NAV2: variants seen among roughly 807,000 people sequenced by gnomAD.
The protein encoded by NAV2 is neuron navigator 2, also known as helicase, APC down-regulated 1.
A neutral mutation model predicts 223.2 loss-of-function variants in NAV2; 54 were observed. That is an observed-to-expected ratio of 0.24 (90% CI 0.19 to 0.30). NAV2 has a LOEUF of 0.30. Ranked by LOEUF, NAV2 falls within the 10% of genes least tolerant of loss-of-function variation. NAV2 has a pLI of 1.00. For missense variants in NAV2, 2,806 were observed against 3,147.5 expected (o/e 0.89, Z 2.60); for synonymous variants, 1,279 against 1,239.3 (o/e 1.03, Z -0.67).
At chr11:19,441,367 G>A (rs974742548) in intron 1 of NAV2, among the ~76,000 whole-genome samples, 20 of 152,048 alleles carry the variant, frequency 1.3e-4, no homozygotes, top group Admixed American at 1.2e-3. Context: ...AGAGATATGT[G>A]ATCAAATCAC....
intron 10 of NAV2, among the ~76,000 whole-genome samples, chr11:19,965,569 C>T (rs1565659015): frequency 6.6e-6 from 1 of 152,206 alleles, no homozygotes; most frequent in African/African-American, 2.4e-5. Flanking sequence ...TCACTAATTG[C>T]CTTTCTTCTG....
chr11:19,955,683 G>A (rs2153387799), intron 10 of NAV2, among the ~76,000 whole-genome samples: 1 of 152,300 alleles, frequency 6.6e-6, no homozygotes, highest in East Asian at 1.9e-4. Flanking sequence ...TGGGACAAAT[G>A]TGTGAGGTAT....
At chr11:19,490,078 G>A (rs889353432) in intron 1 of NAV2, among the ~76,000 whole-genome samples, 16 of 152,192 alleles carry the variant, frequency 1.1e-4, no homozygotes, top group East Asian at 3.9e-4. Context: ...ATTATTTCTC[G>A]AAATAATGTA....
At chr11:19,645,453 C>T (rs567772233) in intron 1 of NAV2, among the ~76,000 whole-genome samples, 4 of 152,108 alleles carry the variant, frequency 2.6e-5, no homozygotes, top group South Asian at 4.1e-4. Context: ...GGGATTCAGA[C>T]GTGAACATCT....
At chr11:19,686,728 C>A (rs760216369) in intron 1 of NAV2, among the ~76,000 whole-genome samples, 53 of 152,292 alleles carry the variant, frequency 3.5e-4, no homozygotes, top group Non-Finnish European at 5.7e-4. Context: ...CGAGGAGGCC[C>A]GGATTATCAC....
At chr11:19,537,075 A>C (rs927809570) in intron 1 of NAV2, among the ~76,000 whole-genome samples, 1 of 152,188 alleles carries the variant, frequency 6.6e-6, no homozygotes, top group Non-Finnish European at 1.5e-5. Flanking sequence ...TGTCCTTGTG[A>C]GGTCTATGGT....
chr11:19,899,192 T>C (rs1156241362), intron 6 of NAV2, among the ~76,000 whole-genome samples: 2 of 152,192 alleles, frequency 1.3e-5, no homozygotes, highest in Non-Finnish European at 2.9e-5. Context: ...CCTTCCTCTT[T>C]GTTCACTCCT....
chr11:19,790,773 A>G (rs573083089), intron 1 of NAV2, among the ~76,000 whole-genome samples: 2 of 152,162 alleles, frequency 1.3e-5, no homozygotes, highest in South Asian at 4.2e-4. Context: ...CACATCATGC[A>G]ACACCAAGTC....
At chr11:19,381,511 T>C (rs1013877137) in intron 1 of NAV2, among the ~76,000 whole-genome samples, 3 of 152,294 alleles carry the variant, frequency 2.0e-5, no homozygotes, top group East Asian at 3.9e-4. Flanking sequence ...TTATGAAACA[T>C]ACGGAGACCC....
chr11:19,428,948 C>T (rs1850940288), intron 1 of NAV2, among the ~76,000 whole-genome samples: 1 of 152,234 alleles, frequency 6.6e-6, no homozygotes, highest in Admixed American at 6.5e-5. Flanking sequence ...TTAGAAACGC[C>T]TTCCTGCTAG....
chr11:19,823,980 TC>T (rs1201089993), intron 1 of NAV2, among the ~76,000 whole-genome samples: 21 of 152,092 alleles, frequency 1.4e-4, no homozygotes, highest in Non-Finnish European at 2.8e-4. Flanking sequence ...ATCATTATAA[TC>T]TGTTTGGAAA....
intron 8 of NAV2, among the ~76,000 whole-genome samples, chr11:19,946,128 T>A (rs1296174165): frequency 1.3e-5 from 2 of 152,222 alleles, no homozygotes; most frequent in Non-Finnish European, 2.9e-5. Flanking sequence ...TGTGTTTACA[T>A]CTCAGACTAG....
intron 1 of NAV2, among the ~76,000 whole-genome samples, chr11:19,498,984 C>T (rs558453309): frequency 3.9e-5 from 6 of 152,298 alleles, no homozygotes; most frequent in African/African-American, 1.2e-4. Flanking sequence ...TCACCATGTT[C>T]CAGTCTGTGT....
chr11:20,041,552 C>A (rs1260773962), intron 12 of NAV2, among the ~76,000 whole-genome samples: 1 of 152,104 alleles, frequency 6.6e-6, no homozygotes, highest in Non-Finnish European at 1.5e-5. Context: ...AATGCAGTAA[C>A]CCAGGATGTG....
intron 1 of NAV2, among the ~76,000 whole-genome samples, chr11:19,603,278 T>C (rs2046395360): frequency 6.6e-6 from 1 of 151,892 alleles, no homozygotes; most frequent in Non-Finnish European, 1.5e-5. Flanking sequence ...GGGAGGGAGA[T>C]ATTCACAGTT....
Position 19,462,324 on chromosome 11 carries a change from C to A in NAV2, c.75+111297C>A, listed in dbSNP as rs575662672. On this transcript the variant is annotated intron_variant, in intron 1 of 37. Transcript: ENST00000360655. ...AAGCTTCCAGGAGGTACAACTACTC[C>A]TAATTCCATACCACATTGGAAAACC... 5.3e-5 allele frequency among the ~76,000 whole-genome samples: 8 copies of A among 152,274 alleles called. No homozygotes were observed. In the South Asian group the frequency reaches 1.5e-3, roughly 28 times the overall value.
chr11:19,378,998 G>A (rs1350206905), intron 1 of NAV2, among the ~76,000 whole-genome samples: 1 of 152,168 alleles, frequency 6.6e-6, no homozygotes, highest in Non-Finnish European at 1.5e-5. Flanking sequence ...GTGTGGTTTT[G>A]GGCAAATTAC....
chr11:19,457,993 T>C lies in NAV2; in HGVS notation c.75+106966T>C, dbSNP rs1404487965. ...AGGGGGTCCTCCCTTCCAAGCCCAG[T>C]TGCCACTCCTTGCCTTTCTTATGGC... is the stretch of plus-strand genomic sequence containing the variant. On this transcript the variant is annotated intron_variant, in intron 1 of 37. Transcript: ENST00000360655. Among the ~76,000 whole-genome samples the C allele has an allele frequency of 2.0e-5, 3 of 152,170 alleles. No individual in the cohort carries two copies. The East Asian group carries it at 5.8e-4, about 29-fold the overall frequency.
intron 11 of NAV2, among the ~76,000 whole-genome samples, chr11:20,017,362 C>T (rs1640156035): frequency 6.6e-6 from 1 of 152,212 alleles, no homozygotes; most frequent in South Asian, 2.1e-4. Context: ...TCCCCAACCC[C>T]TTCGTCTGGA....
Sources: gnomAD v4.1 joint callset for allele counts (sites outside exome capture counted in the v4.1 genomes callset) on GRCh38, gnomAD v4.1.1 for gene constraint, MANE v1.5 for transcripts, NCBI Gene and HGNC (gene_info 2026-07-23, HGNC 2026-07-21) for gene names.